Variants in TCF4 observed in about 807,000 individuals in gnomAD.
The protein encoded by TCF4 is SL3-3 enhancer factor 2.
TCF4 carries 3 observed loss-of-function variants against 82.1 expected under a neutral mutation model. The observed-to-expected ratio is 0.04, with a 90% CI of 0.02 to 0.09. The LOEUF (loss-of-function observed/expected upper bound fraction) is 0.09, where lower values mean the gene tolerates loss of function less well. Ranked by LOEUF, TCF4 falls within the 10% of genes least tolerant of loss-of-function variation. TCF4 has a pLI of 1.00. For synonymous variants in TCF4, 276 were observed against 309.6 expected (o/e 0.89, Z 1.14); for missense variants, 518 against 852.7 (o/e 0.61, Z 4.89).
chr18:55,275,177 T>C (rs936014675), intron 10 of TCF4, among the ~76,000 whole-genome samples: 3 of 147,756 alleles, frequency 2.0e-5, no homozygotes, highest in African/African-American at 7.5e-5. Context: ...AAAGCTGACA[T>C]AGGCCAGTCA....
chr18:55,554,147 C>T (rs1285420642), intron 3 of TCF4, among the ~76,000 whole-genome samples: 1 of 151,998 alleles, frequency 6.6e-6, no homozygotes, highest in Non-Finnish European at 1.5e-5. Flanking sequence ...TGACAGAACC[C>T]TAATTCTACT....
At chr18:55,387,779 G>A (rs1045887397) in intron 6 of TCF4, among the ~76,000 whole-genome samples, 1 of 152,156 alleles carries the variant, frequency 6.6e-6, no homozygotes, top group Non-Finnish European at 1.5e-5. Context: ...CTTAACAAAG[G>A]GACAATCGTC....
Position 55,269,847 on chromosome 18 carries a change from C to T in TCF4, c.906G>A (p.Gly302=). 2 of 1,613,048 alleles carry T rather than the reference C, an allele frequency of 1.2e-6. No homozygotes were observed. Among genetic ancestry groups the T allele is most frequent in the South Asian group, 1.1e-5 (1 of 91,058 alleles). The change falls in exon 11 of 20, where the codon GGG becomes GGA. Residue 302 remains glycine, a synonymous_variant. Transcript: ENST00000354452. The part of the protein sequence containing the change: ...STSSCTPPAN[G]TDSIMANRGS... ...GTGACTCACCCATTATACTGTCTGT[C>T]CCGTTGGCAGGAGGCGTACAGGAAG...
At chr18:55,560,848 G>C (rs1288847341) in intron 3 of TCF4, among the ~76,000 whole-genome samples, 1 of 151,992 alleles carries the variant, frequency 6.6e-6, no homozygotes, top group Non-Finnish European at 1.5e-5. Context: ...TGTTCATAAA[G>C]TGATCACTAC....
intron 3 of TCF4, among the ~76,000 whole-genome samples, chr18:55,554,921 C>G (rs1249216408): frequency 6.6e-6 from 1 of 152,166 alleles, no homozygotes; most frequent in South Asian, 2.1e-4. Context: ...AATACAAAAA[C>G]ATGAGTGACA....
At chr18:55,484,434 C>T (rs2096486737) in intron 3 of TCF4, among the ~76,000 whole-genome samples, 2 of 152,152 alleles carry the variant, frequency 1.3e-5, no homozygotes, top group South Asian at 2.1e-4. Context: ...GTAAGCCATA[C>T]CTGAAAATTC....
intron 3 of TCF4, among the ~76,000 whole-genome samples, chr18:55,584,711 C>A (rs1424545046): frequency 6.6e-6 from 1 of 151,202 alleles, no homozygotes. Context: ...ACAAGTAAAT[C>A]GTTAGGGAAA....
At chr18:55,294,379 C>T (rs1177115301) in intron 8 of TCF4, among the ~76,000 whole-genome samples, 2 of 152,088 alleles carry the variant, frequency 1.3e-5, no homozygotes, top group African/African-American at 2.4e-5. Context: ...TAGAGCACAT[C>T]CAATACAATG....
intron 5 of TCF4, among the ~76,000 whole-genome samples, chr18:55,453,005 T>A (rs1195862576): frequency 6.6e-6 from 1 of 152,176 alleles, no homozygotes; most frequent in Non-Finnish European, 1.5e-5. Flanking sequence ...AATTATATAT[T>A]TTTCTCTTTA....
At chr18:55,393,659 T>A (rs2093316499) in intron 6 of TCF4, among the ~76,000 whole-genome samples, 1 of 152,222 alleles carries the variant, frequency 6.6e-6, no homozygotes, top group Admixed American at 6.5e-5. Flanking sequence ...TCAAAATGTT[T>A]GCTTCATGCA....
intron 3 of TCF4, among the ~76,000 whole-genome samples, chr18:55,548,329 C>T (rs566376390): frequency 1.7e-4 from 26 of 152,252 alleles, no homozygotes; most frequent in African/African-American, 5.8e-4. Flanking sequence ...AAAATAATTA[C>T]GTTCTGTAGC....
intron 8 of TCF4, among the ~76,000 whole-genome samples, chr18:55,312,713 A>G (rs541215844): frequency 6.6e-6 from 1 of 152,274 alleles, no homozygotes; most frequent in East Asian, 1.9e-4. Flanking sequence ...GCTTTTAACA[A>G]TCATGCATCT....
At chr18:55,405,859 A>G (rs77433731) in intron 5 of TCF4, among the ~76,000 whole-genome samples, 2 of 152,322 alleles carry the variant, frequency 1.3e-5, no homozygotes, top group South Asian at 2.1e-4. Flanking sequence ...CTTTACTATC[A>G]TATCAGATAC....
intron 8 of TCF4, among the ~76,000 whole-genome samples, chr18:55,333,753 G>A (rs917881659): frequency 2.0e-5 from 3 of 152,096 alleles, no homozygotes; most frequent in Non-Finnish European, 4.4e-5. Flanking sequence ...TTTCAAGACT[G>A]CAAGTTCACA....
At chr18:55,369,851 A>G (rs751488759) in intron 6 of TCF4, among the ~76,000 whole-genome samples, 35 of 152,208 alleles carry the variant, frequency 2.3e-4, no homozygotes, top group Admixed American at 7.2e-4. Flanking sequence ...CAGCTTGTCA[A>G]TCTGCAGAAA....
At chr18:55,470,242 A>T (rs1391998441) in intron 3 of TCF4, among the ~76,000 whole-genome samples, 1 of 152,254 alleles carries the variant, frequency 6.6e-6, no homozygotes, top group Non-Finnish European at 1.5e-5. Context: ...AGTATTTATC[A>T]TGAGTGCCTA....
chr18:55,622,135 C>G (rs892818699), intron 2 of TCF4, among the ~76,000 whole-genome samples: 7 of 145,354 alleles, frequency 4.8e-5, no homozygotes, highest in African/African-American at 1.8e-4. Context: ...ATCCTTAGCC[C>G]TCATCCTTCA....
intron 4 of TCF4, 40 bp from the exon 5 acceptor site, chr18:55,461,155 A>G: frequency 6.6e-7 from 1 of 1,515,846 alleles, no homozygotes; most frequent in Non-Finnish European, 9.1e-7. Context: ...ATTTTATATT[A>G]ATAAACAGCA....
chr18:55,545,327 T>C (rs371618413), intron 3 of TCF4, among the ~76,000 whole-genome samples: 2 of 152,228 alleles, frequency 1.3e-5, no homozygotes, highest in African/African-American at 2.4e-5. Flanking sequence ...TTACGACAGA[T>C]TTGTCTTCTA....
Sources: gnomAD v4.1 joint callset for allele counts (sites outside exome capture counted in the v4.1 genomes callset) on GRCh38, gnomAD v4.1.1 for gene constraint, MANE v1.5 for transcripts, NCBI Gene and HGNC (gene_info 2026-07-23, HGNC 2026-07-21) for gene names.